C4orf50: variants seen among roughly 807,000 people sequenced by gnomAD.
C4orf50 encodes uncharacterized protein C4orf50.
A neutral mutation model predicts 77.2 loss-of-function variants in C4orf50; 80 were observed. The ratio of observed to expected loss-of-function variants is 1.04; its 90% CI spans 0.87 to 1.25. The LOEUF is 1.25. Among genes scored for constraint, C4orf50 ranks in the 50% most tolerant of loss-of-function variants. The pLI, the probability that C4orf50 is intolerant of heterozygous loss-of-function variation, is 0.00. For synonymous variants in C4orf50, 532 were observed against 465.3 expected (o/e 1.14, Z -1.84); for missense variants, 1,257 against 1,152.9 (o/e 1.09, Z -1.31).
chr4:5,995,474 AAC>A (rs55858229), intron 25 of C4orf50, among the ~76,000 whole-genome samples: 10,099 of 133,884 alleles, frequency 0.075, 459 homozygotes, highest in East Asian at 0.19. Context: ...TGGGACTGGA[AAC>A]ACACACACAC....
At position 6,009,516 on chromosome 4, in the gene C4orf50, A is replaced by G. The variant is rs1160484409; in HGVS notation, c.427-984T>C. Among the ~76,000 whole-genome samples, 1 of 152,208 alleles carries G rather than the reference A, an allele frequency of 6.6e-6. No individual in the cohort carries two copies. The highest frequency in any genetic ancestry group is 2.4e-5 in the African/African-American group (1 of 41,438). The stretch of plus-strand genomic sequence containing the variant: ...CAGGGTCAGATTCCCTGGGAGGACA[A>G]TTCTCCTGGTCTTCCTGAAGGCGTG... On this transcript the variant is annotated intron_variant, in intron 24 of 33. Transcript: ENST00000531445. The surrounding 1 kb of genome is among the most constrained non-coding windows in gnomAD (Gnocchi z 5.6).
exon 28 of C4orf50, chr4:5,990,494 T>C (rs1461849959): frequency 1.3e-5 from 5 of 399,300 alleles, no homozygotes; most frequent in Non-Finnish European, 1.8e-5. Flanking sequence ...CCGCGGCCTC[T>C]TGTCTGGTGA....
chr4:5,964,983 C>CA (rs779904672), intron 33 of C4orf50, 41 bp downstream of exon 11: 2 of 1,582,596 alleles, frequency 1.3e-6, no homozygotes, highest in Admixed American at 3.5e-5. Flanking sequence ...CTTTCAATAA[C>CA]AAAGTTCATT....
intron 7 of C4orf50, among the ~76,000 whole-genome samples, chr4:5,935,214 C>T (rs1717953791): frequency 6.6e-6 from 1 of 152,200 alleles, no homozygotes; most frequent in African/African-American, 2.4e-5. Context: ...GGAAGGCTGC[C>T]CTGGCCTCTG....
intron 23 of C4orf50, among the ~76,000 whole-genome samples, chr4:6,014,219 C>G (rs1016951107): frequency 3.3e-5 from 5 of 152,260 alleles, no homozygotes; most frequent in African/African-American, 1.2e-4. Flanking sequence ...TCAGGCTGGT[C>G]TTGAACTCCC....
chr4:5,911,566 A>C (rs1716808212), intron 7 of C4orf50, among the ~76,000 whole-genome samples: 1 of 152,232 alleles, frequency 6.6e-6, no homozygotes. Flanking sequence ...CAAAACATGC[A>C]GAAAGGCCCA....
chr4:5,986,675 AC>A (rs1004409249), intron 28 of C4orf50, among the ~76,000 whole-genome samples: 42 of 151,866 alleles, frequency 2.8e-4, no homozygotes, highest in African/African-American at 1.0e-3. Context: ...AGCAGCTGGG[AC>A]TACAGGTGCA....
intron 7 of C4orf50, among the ~76,000 whole-genome samples, chr4:5,944,166 C>T (rs1224664083): frequency 6.6e-6 from 1 of 152,194 alleles, no homozygotes; most frequent in Non-Finnish European, 1.5e-5. Flanking sequence ...CTGGTTCCTC[C>T]CTCCCCATGG....
intron 25 of C4orf50, among the ~76,000 whole-genome samples, chr4:5,998,986 T>A (rs769811183): frequency 3.9e-5 from 6 of 152,290 alleles, no homozygotes; most frequent in Non-Finnish European, 8.8e-5. Flanking sequence ...GGGATCAAGG[T>A]TCCAAGTAAC....
At chr4:5,989,118 C>T (rs574334432) in exon 28 of C4orf50, 254 of 1,536,120 alleles carry the variant, frequency 1.7e-4, no homozygotes, top group Non-Finnish European at 2.1e-4. Context: ...GGTTATCCCG[C>T]TCGAGCCTGG....
At chr4:5,930,639 C>T (rs1717724459) in intron 7 of C4orf50, among the ~76,000 whole-genome samples, 1 of 152,236 alleles carries the variant, frequency 6.6e-6, no homozygotes, top group Non-Finnish European at 1.5e-5. Context: ...GAAGCAAGTG[C>T]CTCTGGGGCC....
chr4:5,917,804 T>C (rs1182704710), intron 7 of C4orf50, among the ~76,000 whole-genome samples: 2 of 152,086 alleles, frequency 1.3e-5, no homozygotes, highest in African/African-American at 4.8e-5. Flanking sequence ...CACTCCAGCA[T>C]TTCAGCTGTG....
chr4:5,936,510 C>T (rs943277648), intron 7 of C4orf50, among the ~76,000 whole-genome samples: 5 of 133,288 alleles, frequency 3.8e-5, no homozygotes, highest in East Asian at 2.1e-4. Context: ...TGCAGTGAGC[C>T]GAGATCGCAC....
At chr4:5,981,464 G>A (rs991246958) in intron 28 of C4orf50, among the ~76,000 whole-genome samples, 5 of 150,304 alleles carry the variant, frequency 3.3e-5, no homozygotes, top group African/African-American at 1.2e-4. Flanking sequence ...GAGTGCAATG[G>A]CATGACCTCG....
intron 25 of C4orf50, among the ~76,000 whole-genome samples, chr4:5,995,237 G>A (rs1721514612): frequency 6.6e-6 from 1 of 152,098 alleles, no homozygotes; most frequent in Non-Finnish European, 1.5e-5. Context: ...CCCTTCCTGT[G>A]CAGAGGTTCT....
chr4:6,010,433 G>A (rs1722446662), intron 24 of C4orf50, among the ~76,000 whole-genome samples: 1 of 152,292 alleles, frequency 6.6e-6, no homozygotes, highest in Admixed American at 6.5e-5. Context: ...TATGTCAAGT[G>A]CTTTTCCAGC....
At chr4:5,948,267 G>T (rs1261715672) in intron 7 of C4orf50, among the ~76,000 whole-genome samples, 3 of 152,248 alleles carry the variant, frequency 2.0e-5, no homozygotes, top group Non-Finnish European at 4.4e-5. Flanking sequence ...GAGTCTTCCA[G>T]CAGGTAAGTG....
intron 23 of C4orf50, among the ~76,000 whole-genome samples, chr4:6,014,613 T>C (rs1236859859): frequency 1.3e-5 from 2 of 152,232 alleles, no homozygotes; most frequent in Non-Finnish European, 2.9e-5. Context: ...AACATTCACC[T>C]GAAATCTGTG....
exon 28 of C4orf50, chr4:5,988,804 A>C (rs973622308): frequency 1.3e-6 from 2 of 1,535,952 alleles, no homozygotes; most frequent in Non-Finnish European, 1.7e-6. Context: ...GGCCCGGATC[A>C]TGTCTTCTAT....
Sources: allele counts gnomAD v4.1 joint callset (sites outside exome capture counted in the v4.1 genomes callset), GRCh38; gene constraint gnomAD v4.1.1; non-coding constraint Gnocchi (gnomAD v3.1); transcripts MANE v1.5; gene names NCBI Gene and HGNC (gene_info 2026-07-23, HGNC 2026-07-21).